Variants in SYN3 observed in about 807,000 individuals in gnomAD.
The protein encoded by SYN3 is synapsin III.
A neutral mutation model predicts 65.8 loss-of-function variants in SYN3; 35 were observed. The ratio of observed to expected loss-of-function variants is 0.53; its 90% confidence interval spans 0.41 to 0.70. SYN3 has a LOEUF of 0.70. Among genes scored for constraint, SYN3 ranks in the 30% least tolerant of loss-of-function variants. The pLI is 0.00. For missense variants in SYN3, 680 were observed against 749.0 expected, an observed-to-expected ratio of 0.91 and a Z score of 1.08; for synonymous variants, 270 against 292.9, an observed-to-expected ratio of 0.92 and a Z score of 0.80.
intron 6 of SYN3, among the ~76,000 whole-genome samples, chr22:32,746,426 G>A (rs1225630634): frequency 6.6e-6 from 1 of 151,750 alleles, no homozygotes; most frequent in Non-Finnish European, 1.5e-5. Context: ...TCTTTGAAAT[G>A]ACAGCTGGAC....
intron 1 of SYN3, among the ~76,000 whole-genome samples, chr22:33,018,971 T>C (rs1290479902): frequency 3.3e-5 from 5 of 152,146 alleles, no homozygotes; most frequent in Non-Finnish European, 7.4e-5. Context: ...ATTCCTACCA[T>C]AGACTTGGTT....
intron 9 of SYN3, among the ~76,000 whole-genome samples, chr22:32,534,830 C>A (rs539894484): frequency 5.3e-5 from 8 of 152,180 alleles, no homozygotes; most frequent in Non-Finnish European, 1.2e-4. Flanking sequence ...TCCACCAAAG[C>A]CTACTGAGGC....
At chr22:32,740,026 G>A (rs1205827533) in intron 6 of SYN3, among the ~76,000 whole-genome samples, 1 of 152,230 alleles carries the variant, frequency 6.6e-6, no homozygotes, top group Non-Finnish European at 1.5e-5. Context: ...GAGTGACAGA[G>A]GTAAAGAATG....
chr22:33,054,617 T>C (rs184810715), intron 1 of SYN3, among the ~76,000 whole-genome samples: 46 of 152,336 alleles, frequency 3.0e-4, no homozygotes, highest in African/African-American at 9.6e-4. Flanking sequence ...TCTGTCTCTA[T>C]GGATTGACCT....
intron 9 of SYN3, among the ~76,000 whole-genome samples, chr22:32,536,141 G>A: frequency 6.6e-6 from 1 of 152,236 alleles, no homozygotes; most frequent in East Asian, 1.9e-4. Flanking sequence ...AGGCACTGGG[G>A]AAGGCTGGGC....
intron 3 of SYN3, among the ~76,000 whole-genome samples, chr22:32,932,819 A>G (rs979717840): frequency 2.0e-5 from 3 of 152,118 alleles, no homozygotes; most frequent in African/African-American, 7.2e-5. Flanking sequence ...CATTCTCCAC[A>G]GTTTTGGAGG....
intron 7 of SYN3, among the ~76,000 whole-genome samples, chr22:32,569,403 C>CAA (rs2058719179): frequency 1.3e-4 from 9 of 68,536 alleles, no homozygotes; most frequent in African/African-American, 7.0e-4. Context: ...CATCCAAAAT[C>CAA]TATCTATCTA....
intron 2 of SYN3, among the ~76,000 whole-genome samples, chr22:32,984,260 T>C (rs2052460173): frequency 6.6e-6 from 1 of 151,496 alleles, no homozygotes. Flanking sequence ...AATTTCATAA[T>C]GACCTTAAAG....
chr22:32,714,571 C>CT lies in SYN3; in HGVS notation c.712-117836dup, dbSNP rs59806091. ...CCAGCTGAGACTTTCAGTAACTTTTCTTTTTTTTTTTTCTTGAAGTGTCTC... is the reference window on the plus strand; with the variant it reads ...CCAGCTGAGACTTTCAGTAACTTTTCTTTTTTTTTTTTTCTTGAAGTGTCTC... On this transcript the variant is annotated intron_variant, in intron 6 of 13. Coordinates refer to ENST00000358763, the MANE Select transcript of SYN3 (RefSeq NM_003490.4). 9.9e-4 allele frequency among the ~76,000 whole-genome samples: 144 copies of CT among 145,706 alleles called. 1 individual carries two copies. Among genetic ancestry groups the CT allele is most frequent in the Middle Eastern group, 3.7e-3 (1 of 272 alleles).
chr22:32,579,695 G>A (rs1409260760), intron 7 of SYN3, among the ~76,000 whole-genome samples: 1 of 152,148 alleles, frequency 6.6e-6, no homozygotes, highest in Non-Finnish European at 1.5e-5. Context: ...GCTCAAAGGT[G>A]TCCTTGCCCC....
At chr22:32,721,993 G>A (rs994646942) in intron 6 of SYN3, among the ~76,000 whole-genome samples, 1 of 152,210 alleles carries the variant, frequency 6.6e-6, no homozygotes, top group Admixed American at 6.5e-5. Flanking sequence ...GTGGTAGGAA[G>A]GAGCTTGTTT....
At chr22:32,915,418 T>C (rs1334070203) in intron 4 of SYN3, among the ~76,000 whole-genome samples, 1 of 152,118 alleles carries the variant, frequency 6.6e-6, no homozygotes, top group Non-Finnish European at 1.5e-5. Context: ...AAGGAACATA[T>C]AAGCAAGCAT....
At chr22:32,816,460 T>C (rs2047090835) in intron 6 of SYN3, among the ~76,000 whole-genome samples, 1 of 152,246 alleles carries the variant, frequency 6.6e-6, no homozygotes, top group African/African-American at 2.4e-5. Flanking sequence ...TGAGTCTTCC[T>C]GCAGGCTGGA....
intron 6 of SYN3, among the ~76,000 whole-genome samples, chr22:32,790,298 C>T (rs553211514): frequency 6.6e-6 from 1 of 152,044 alleles, no homozygotes; most frequent in African/African-American, 2.4e-5. Flanking sequence ...TGAAAGTTAC[C>T]CTGAAAGCAT....
intron 6 of SYN3, among the ~76,000 whole-genome samples, chr22:32,776,996 A>G (rs1019748097): frequency 4.6e-5 from 7 of 152,116 alleles, no homozygotes; most frequent in African/African-American, 1.7e-4. Flanking sequence ...ACCTCACAGC[A>G]TGATCACTAG....
chr22:32,751,019 A>G (rs557088726), intron 6 of SYN3, among the ~76,000 whole-genome samples: 2 of 152,260 alleles, frequency 1.3e-5, no homozygotes, highest in South Asian at 2.1e-4. Context: ...CCATGACACC[A>G]GGTTAGAGCA....
intron 9 of SYN3, among the ~76,000 whole-genome samples, chr22:32,535,622 T>C (rs2146200318): frequency 6.6e-6 from 1 of 152,314 alleles, no homozygotes; most frequent in Admixed American, 6.5e-5. Flanking sequence ...CAATGGAACG[T>C]GGAAATTTGA....
At chr22:33,001,663 A>G (rs553636148) in intron 2 of SYN3, among the ~76,000 whole-genome samples, 1 of 152,360 alleles carries the variant, frequency 6.6e-6, no homozygotes, top group East Asian at 1.9e-4. Flanking sequence ...ACACTTATGC[A>G]GTACTTACTG....
At chr22:32,949,811 G>A (rs2051235673) in intron 3 of SYN3, among the ~76,000 whole-genome samples, 2 of 152,184 alleles carry the variant, frequency 1.3e-5, no homozygotes, top group Admixed American at 1.3e-4. Flanking sequence ...AGGCCAACAG[G>A]TCAATAGGAA....
Sources: allele counts gnomAD v4.1 joint callset (sites outside exome capture counted in the v4.1 genomes callset), GRCh38; gene constraint gnomAD v4.1.1; transcripts MANE v1.5; gene names NCBI Gene and HGNC (gene_info 2026-07-23, HGNC 2026-07-21).